ATP9B: variants seen among roughly 807,000 people sequenced by gnomAD.
The protein encoded by ATP9B is ATPase phospholipid transporting 9B, also known as probable phospholipid-transporting ATPase IIB.
Under a neutral mutation model 146.1 loss-of-function variants are expected in ATP9B, and 110 were observed. That is an observed-to-expected ratio of 0.75 (90% CI 0.65 to 0.88). The LOEUF (loss-of-function observed/expected upper bound fraction) is 0.88. Ranked by LOEUF, ATP9B falls within the 40% of genes least tolerant of loss-of-function variation. The pLI is 0.00. For missense variants in ATP9B, 1,499 were observed against 1,496.4 expected (o/e 1.00, Z -0.03); for synonymous variants, 604 against 569.7 (o/e 1.06, Z -0.86).
chr18:79,300,605 G>A (rs974522128), intron 13 of ATP9B, among the ~76,000 whole-genome samples: 1 of 152,188 alleles, frequency 6.6e-6, no homozygotes, highest in Admixed American at 6.5e-5. Flanking sequence ...CTGCGGGGCC[G>A]TGGACAACAG....
rs1282780320 is a variant in ATP9B at position 79,069,457 on chromosome 18, C to G, written c.47C>G (p.Ala16Gly). 1 of 1,508,154 alleles carries G rather than the reference C, an allele frequency of 6.6e-7. No individual in the cohort carries two copies. Among genetic ancestry groups the G allele is most frequent in the Non-Finnish European group, 8.8e-7 (1 of 1,131,418 alleles). 93.4% of individuals were successfully genotyped at this position (1,508,154 alleles called of 1,614,324 possible). A position where few individuals can be genotyped will look rare whatever the true frequency, so the allele number is the denominator to read the frequency against. Residue 16 changes from alanine to glycine, a missense_variant, in exon 1 of 30, where the codon GCC becomes GGC. Ala to Gly is a moderately conservative substitution (Grantham distance 60). Transcript: ENST00000426216. ...TACCCGGTGCGTAGCGCAGCGGCGG[C>G]CGCAGCCAACCGCAAACGCGCGGCC... is the stretch of plus-strand genomic sequence containing the variant. ...PLYPVRSAAA[A>G]AANRKRAAYY...
chr18:79,070,542 G>C (rs1459554992), intron 1 of ATP9B, among the ~76,000 whole-genome samples: 1 of 152,236 alleles, frequency 6.6e-6, no homozygotes, highest in South Asian at 2.1e-4. Context: ...TTGGTTGGAA[G>C]TGGGTTCTGG....
intron 7 of ATP9B, 82 bp from the exon 8 acceptor site, chr18:79,176,731 T>A: frequency 2.6e-6 from 3 of 1,141,562 alleles, no homozygotes; most frequent in Non-Finnish European, 3.9e-6. Context: ...GCCCTGGAAT[T>A]ATTCTTTGAT....
chr18:79,179,882 T>G lies in ATP9B; in HGVS notation c.873+2975T>G, dbSNP rs568013096. 2.0e-5 allele frequency among the ~76,000 whole-genome samples: 3 copies of G among 152,358 alleles called. No homozygotes were observed. In the South Asian group the frequency reaches 6.2e-4, roughly 32 times the overall value. On this transcript the variant is annotated intron_variant, in intron 8 of 29. Transcript: ENST00000426216. ...TCTCTGAATTACTGAAGAAGACTTT[T>G]AAGATCCCATACCTTTTGTAGATGG...
intron 7 of ATP9B, among the ~76,000 whole-genome samples, chr18:79,161,427 G>T (rs1443273007): frequency 6.6e-6 from 1 of 152,146 alleles, no homozygotes; most frequent in African/African-American, 2.4e-5. Flanking sequence ...ATCCCTGGAG[G>T]ATTATTGATG....
intron 13 of ATP9B, among the ~76,000 whole-genome samples, chr18:79,279,590 T>C (rs1364030782): frequency 6.6e-6 from 1 of 152,150 alleles, no homozygotes; most frequent in East Asian, 1.9e-4. Context: ...AGCAATTCTG[T>C]ACACCAGCAA....
chr18:79,329,742 G>A (rs779919471), intron 16 of ATP9B, among the ~76,000 whole-genome samples: 3 of 152,196 alleles, frequency 2.0e-5, no homozygotes, highest in African/African-American at 4.8e-5. Flanking sequence ...AAAAGTTTAA[G>A]AGAATGAATG....
chr18:79,233,943 C>T (rs936253468), intron 11 of ATP9B, among the ~76,000 whole-genome samples: 5 of 152,168 alleles, frequency 3.3e-5, no homozygotes, highest in African/African-American at 9.7e-5. Flanking sequence ...ATTCAGTGGA[C>T]GTGATCATCA....
intron 9 of ATP9B, among the ~76,000 whole-genome samples, chr18:79,194,890 A>C (rs968528769): frequency 2.0e-5 from 3 of 152,200 alleles, no homozygotes; most frequent in African/African-American, 7.2e-5. Flanking sequence ...ACACAGAAGA[A>C]AATAATGCAT....
chr18:79,306,858 C>A (rs1216311486), intron 14 of ATP9B, 128 bp from the exon 15 acceptor site: 2 of 1,109,112 alleles, frequency 1.8e-6, no homozygotes, highest in African/African-American at 1.6e-5. Context: ...AGGAGATAAT[C>A]AGAATCAAAT....
At position 79,377,352 on chromosome 18, in the gene ATP9B, C is replaced by G; in HGVS notation, c.3413C>G (p.Ser1138Cys). Residue 1138 changes from serine (S) to cysteine (C), a missense_variant, in exon 30 of 30, where the codon TCT becomes TGT. Physicochemically the swap from Ser to Cys is moderately radical, Grantham distance 112. Transcript: ENST00000426216. ...YVLKYLRRKLSPPSYCKLAS is the reference protein window; with the variant it reads ...YVLKYLRRKLCPPSYCKLAS ...CTCAAGTACCTGAGGCGCAAGCTCT[C>G]TCCTCCCAGCTACTGCAAGCTGGCC... The G allele has an allele frequency of 1.9e-6, 3 of 1,610,366 alleles. No homozygotes were observed. Among genetic ancestry groups the G allele is most frequent in the Non-Finnish European group, 1.7e-6 (2 of 1,180,028 alleles).
At chr18:79,305,762 TGTTA>T (rs1489828990) in intron 14 of ATP9B, among the ~76,000 whole-genome samples, 3 of 152,260 alleles carry the variant, frequency 2.0e-5, no homozygotes, top group African/African-American at 7.2e-5. Context: ...TGAAAGCTTC[TGTTA>T]GTTGAACAGA....
chr18:79,252,797 C>CTTTT (rs58656067), intron 11 of ATP9B, among the ~76,000 whole-genome samples: 1 of 137,440 alleles, frequency 7.3e-6, no homozygotes, highest in African/African-American at 2.7e-5. Flanking sequence ...CTAACTATTG[C>CTTTT]TTTTTTTTTT....
chr18:79,311,249 A>G (rs957692898), intron 15 of ATP9B, among the ~76,000 whole-genome samples: 2 of 152,240 alleles, frequency 1.3e-5, no homozygotes, highest in Admixed American at 1.3e-4. Flanking sequence ...TGTATTTTAT[A>G]TATCTTTCCT....
chr18:79,276,391 A>G (rs772063479), intron 12 of ATP9B, among the ~76,000 whole-genome samples: 1 of 152,266 alleles, frequency 6.6e-6, no homozygotes, highest in Non-Finnish European at 1.5e-5. Context: ...AAAAATGACT[A>G]AAAAGTCCAG....
rs148505056 is a variant in ATP9B, at chr18:79,342,291, A to T, written c.2307A>T (p.Lys769Asn). ...GIKIWMLTGD[K>N]LETATCIAKS... is the part of the protein sequence containing the mutation. ...AGATATGGATGCTAACAGGCGATAA[A>T]CTCGAGACAGCTACCTGCATTGCCA... Residue 769 changes from lysine to asparagine, a missense_variant, in exon 20 of 30, where the codon AAA becomes AAT. Coordinates refer to ENST00000426216, the MANE Select transcript of ATP9B (RefSeq NM_198531.5). 1.1e-5 allele frequency: 18 copies of T among 1,613,196 alleles called. No individual in the cohort carries two copies. The African/African-American group carries it at 2.0e-4, about 18-fold the overall frequency.
chr18:79,158,845 C>G (rs2094834929), intron 7 of ATP9B, among the ~76,000 whole-genome samples: 1 of 152,054 alleles, frequency 6.6e-6, no homozygotes, highest in African/African-American at 2.4e-5. Context: ...AGATTTTGTT[C>G]TAGGTCTGCA....
intron 6 of ATP9B, among the ~76,000 whole-genome samples, chr18:79,147,984 A>C (rs547529023): frequency 6.6e-6 from 1 of 152,330 alleles, no homozygotes; most frequent in Non-Finnish European, 1.5e-5. Flanking sequence ...TAGTAATGAA[A>C]TAGGGGCTTT....
intron 13 of ATP9B, among the ~76,000 whole-genome samples, chr18:79,298,265 G>A (rs754249753): frequency 1.4e-5 from 2 of 146,828 alleles, no homozygotes; most frequent in Non-Finnish European, 3.0e-5. Context: ...GTTCAGCAGG[G>A]TCACAGGGTA....
Sources: allele counts gnomAD v4.1 joint callset (sites outside exome capture counted in the v4.1 genomes callset), GRCh38; gene constraint gnomAD v4.1.1; transcripts MANE v1.5; gene names NCBI Gene and HGNC (gene_info 2026-07-23, HGNC 2026-07-21).